Variants in POC1A observed in about 807,000 individuals in gnomAD.
The protein encoded by POC1A is POC1 centriolar protein homolog A.
POC1A carries 34 observed loss-of-function variants against 47.8 expected under a neutral mutation model. The observed-to-expected ratio is 0.71, with a 90% CI of 0.54 to 0.95. The LOEUF (loss-of-function observed/expected upper bound fraction) is 0.95. Among genes scored for constraint, POC1A ranks in the 40% least tolerant of loss-of-function variants. The pLI, the probability that POC1A is intolerant of heterozygous loss-of-function variation, is 0.00. For missense variants in POC1A, 466 were observed against 528.3 expected (o/e 0.88, Z 1.16); for synonymous variants, 177 against 207.6 (o/e 0.85, Z 1.27).
At chr3:52,097,662 T>C (rs1702867192) in intron 9 of POC1A, among the ~76,000 whole-genome samples, 2 of 152,220 alleles carry the variant, frequency 1.3e-5, no homozygotes, top group Admixed American at 6.5e-5. Context: ...TATTCTATTC[T>C]CATAGATCAC....
At chr3:52,100,234 A>C (rs1211984746) in intron 9 of POC1A, among the ~76,000 whole-genome samples, 4 of 152,220 alleles carry the variant, frequency 2.6e-5, no homozygotes, top group African/African-American at 9.7e-5. Flanking sequence ...CCAAACCATA[A>C]CATTTCATTA....
chr3:52,131,830 C>T (rs1704224463), intron 7 of POC1A, among the ~76,000 whole-genome samples: 2 of 152,070 alleles, frequency 1.3e-5, no homozygotes, highest in South Asian at 2.1e-4. Flanking sequence ...TGAGAGATTC[C>T]GAAGGTGCAC....
Position 52,075,951 on chromosome 3 carries a change from G to A in POC1A, c.1160C>T (p.Thr387Ile), listed in dbSNP as rs752971106. ...CAGACACTGCTTCAGCTTGTCTTCT[G>A]TCAGTGTCAACCGCTGCTCCAGAAT... ...VSILEQRLTL[T>I]EDKLKQCLEN... The change falls in exon 11 of 11, where the codon ACA becomes ATA. Residue 387 changes from threonine to isoleucine, a missense_variant. Thr to Ile is a moderately conservative substitution (Grantham distance 89, BLOSUM62 -1). Coordinates refer to ENST00000296484, the MANE Select transcript of POC1A (RefSeq NM_015426.5). The A allele has an allele frequency of 1.2e-6, 2 of 1,613,916 alleles. No individual in the cohort carries two copies. The highest frequency in any genetic ancestry group is 1.7e-6 in the Non-Finnish European group (2 of 1,179,816).
At chr3:52,096,827 A>G (rs1702832984) in intron 9 of POC1A, 115 bp from the exon 10 acceptor site, 1 of 947,394 alleles carries the variant, frequency 1.1e-6, no homozygotes, top group African/African-American at 1.7e-5. Flanking sequence ...TTGAGAAGGT[A>G]AGCTCCAAGT....
chr3:52,104,305 G>A (rs1703098220), intron 9 of POC1A, among the ~76,000 whole-genome samples: 1 of 152,202 alleles, frequency 6.6e-6, no homozygotes, highest in Non-Finnish European at 1.5e-5. Context: ...ATTAATGATT[G>A]TCTGGGGCTG....
chr3:52,088,414 C>G (rs954919035), intron 10 of POC1A, among the ~76,000 whole-genome samples: 4 of 152,230 alleles, frequency 2.6e-5, no homozygotes, highest in Non-Finnish European at 4.4e-5. Context: ...TGTGCTTCCT[C>G]TGCTTCCTCA....
intron 6 of POC1A, among the ~76,000 whole-genome samples, chr3:52,141,338 G>A (rs186285828): frequency 3.2e-4 from 49 of 152,328 alleles, no homozygotes; most frequent in African/African-American, 9.9e-4. Flanking sequence ...CAAGCAGGAG[G>A]TTCCTCTCTA....
intron 6 of POC1A, among the ~76,000 whole-genome samples, chr3:52,144,823 G>A (rs1698312999): frequency 6.6e-6 from 1 of 152,172 alleles, no homozygotes; most frequent in Non-Finnish European, 1.5e-5. Flanking sequence ...TTACCCCAAA[G>A]AAAGTGCTGT....
chr3:52,126,873 A>C (rs1483855614), intron 7 of POC1A, among the ~76,000 whole-genome samples: 2 of 152,172 alleles, frequency 1.3e-5, no homozygotes, highest in African/African-American at 4.8e-5. Flanking sequence ...GGACCCAAAC[A>C]TCTCCCATTA....
At chr3:52,120,372 G>T (rs1055099549) in intron 9 of POC1A, among the ~76,000 whole-genome samples, 1 of 152,186 alleles carries the variant, frequency 6.6e-6, no homozygotes, top group Non-Finnish European at 1.5e-5. Flanking sequence ...TGGCATGTGT[G>T]TGTCAGTGAA....
intron 10 of POC1A, among the ~76,000 whole-genome samples, chr3:52,077,434 G>A (rs1464006317): frequency 1.3e-5 from 2 of 152,224 alleles, no homozygotes; most frequent in Non-Finnish European, 1.5e-5. Flanking sequence ...AGGGTGCTCC[G>A]CCTGGTGGCT....
intron 1 of POC1A, among the ~76,000 whole-genome samples, chr3:52,151,767 A>G (rs1698567341): frequency 6.6e-6 from 1 of 152,180 alleles, no homozygotes; most frequent in Non-Finnish European, 1.5e-5. Context: ...GTTAAGATAC[A>G]ATACTACGAT....
At chr3:52,105,552 G>A (rs1446960034) in intron 9 of POC1A, among the ~76,000 whole-genome samples, 6 of 152,138 alleles carry the variant, frequency 3.9e-5, no homozygotes, top group African/African-American at 7.2e-5. Context: ...GGAAAGGCAC[G>A]GGCGTTTTCT....
At chr3:52,136,174 C>A (rs1176847081) in intron 7 of POC1A, among the ~76,000 whole-genome samples, 1 of 152,170 alleles carries the variant, frequency 6.6e-6, no homozygotes, top group Non-Finnish European at 1.5e-5. Context: ...TATCCCAGGA[C>A]AAAGAACCCT....
At chr3:52,146,644 C>T (rs1220049459) in intron 5 of POC1A, among the ~76,000 whole-genome samples, 5 of 152,198 alleles carry the variant, frequency 3.3e-5, no homozygotes, top group Admixed American at 2.0e-4. Flanking sequence ...GTAGTTTGGG[C>T]GACTGAGTGT....
intron 9 of POC1A, among the ~76,000 whole-genome samples, chr3:52,098,155 T>G (rs1244869092): frequency 6.6e-6 from 1 of 152,186 alleles, no homozygotes; most frequent in Non-Finnish European, 1.5e-5. Flanking sequence ...GAGGTGCTTA[T>G]CTGAAGCTAC....
chr3:52,120,585 G>C (rs760968415), intron 9 of POC1A, among the ~76,000 whole-genome samples: 1 of 152,232 alleles, frequency 6.6e-6, no homozygotes, highest in Non-Finnish European at 1.5e-5. Context: ...CAGGTGTTTT[G>C]CCTGGGGCCA....
intron 9 of POC1A, among the ~76,000 whole-genome samples, chr3:52,099,548 A>T (rs1702927440): frequency 6.6e-6 from 1 of 152,218 alleles, no homozygotes; most frequent in Non-Finnish European, 1.5e-5. Flanking sequence ...TAAGTATAAC[A>T]TGAATAAAAT....
At chr3:52,114,684 C>A (rs779017078) in intron 9 of POC1A, among the ~76,000 whole-genome samples, 3 of 152,190 alleles carry the variant, frequency 2.0e-5, no homozygotes, top group Non-Finnish European at 4.4e-5. Flanking sequence ...GCTCAAAGTT[C>A]CTCCTCTGTG....
Sources: gnomAD v4.1 joint callset for allele counts (sites outside exome capture counted in the v4.1 genomes callset) on GRCh38, gnomAD v4.1.1 for gene constraint, MANE v1.5 for transcripts, NCBI Gene and HGNC (gene_info 2026-07-23, HGNC 2026-07-21) for gene names.